RALYL: variants seen among roughly 807,000 people sequenced by gnomAD.
RALYL encodes the protein RNA-binding Raly-like protein.
Under a neutral mutation model 35.1 loss-of-function variants are expected in RALYL, and 29 were observed. The ratio of observed to expected loss-of-function variants is 0.83; its 90% CI spans 0.61 to 1.13. The LOEUF (loss-of-function observed/expected upper bound fraction) is 1.13, where lower values mean the gene tolerates loss of function less well. RALYL is among the 50% of genes most tolerant of loss of function. The probability of loss-of-function intolerance (pLI) is 0.00; values close to 1 mark genes in which losing one functional copy is unlikely to be tolerated. For synonymous variants in RALYL, 120 were observed against 127.6 expected, an observed-to-expected ratio of 0.94 and a Z score of 0.40; for missense variants, 359 against 360.4, an observed-to-expected ratio of 1.00 and a Z score of 0.03.
At chr8:84,458,794 G>T (rs2050420469) in intron 1 of RALYL, among the ~76,000 whole-genome samples, 1 of 151,590 alleles carries the variant, frequency 6.6e-6, no homozygotes, top group African/African-American at 2.4e-5. Context: ...TATTTTGCTT[G>T]TATGGTATTA....
At chr8:84,644,004 T>C (rs1328944261) in intron 2 of RALYL, among the ~76,000 whole-genome samples, 8 of 152,064 alleles carry the variant, frequency 5.3e-5, no homozygotes, top group African/African-American at 1.9e-4. Flanking sequence ...TGGTCTGTTT[T>C]AAGGCTAGCA....
At chr8:84,385,998 G>A (rs1859114161) in intron 1 of RALYL, among the ~76,000 whole-genome samples, 1 of 151,756 alleles carries the variant, frequency 6.6e-6, no homozygotes, top group African/African-American at 2.4e-5. Flanking sequence ...CTTTCACTCT[G>A]TCTCTCTCCT....
At chr8:84,445,730 T>G (rs970892227) in intron 1 of RALYL, among the ~76,000 whole-genome samples, 7 of 151,818 alleles carry the variant, frequency 4.6e-5, no homozygotes, top group Admixed American at 2.6e-4. Flanking sequence ...ACTTGCAATG[T>G]GTTTGCATTA....
chr8:84,301,046 G>C (rs180974136), intron 1 of RALYL, among the ~76,000 whole-genome samples: 207 of 151,984 alleles, frequency 1.4e-3, no homozygotes, highest in African/African-American at 4.6e-3. Flanking sequence ...TTTAACCCCT[G>C]TGTAAGGTAC....
chr8:84,897,181 G>A (rs1263530136), intron 8 of RALYL, among the ~76,000 whole-genome samples: 1 of 152,112 alleles, frequency 6.6e-6, no homozygotes, highest in Non-Finnish European at 1.5e-5. Flanking sequence ...TGCATGGACT[G>A]CACTTAGCAA....
chr8:84,771,269 T>C (rs772410854), intron 2 of RALYL, among the ~76,000 whole-genome samples: 1 of 152,060 alleles, frequency 6.6e-6, no homozygotes. Flanking sequence ...AGTATTCCTT[T>C]TGGTAAATAT....
At chr8:84,525,467 A>T (rs2058809910) in intron 1 of RALYL, among the ~76,000 whole-genome samples, 1 of 151,878 alleles carries the variant, frequency 6.6e-6, no homozygotes, top group African/African-American at 2.4e-5. Flanking sequence ...TGGTGTGGTT[A>T]TATACATATT....
intron 4 of RALYL, among the ~76,000 whole-genome samples, chr8:84,839,935 C>T (rs912478964): frequency 1.3e-5 from 2 of 152,170 alleles, no homozygotes; most frequent in African/African-American, 2.4e-5. Flanking sequence ...AACTAACAAA[C>T]AGAAAGGACA....
chr8:84,366,565 A>G (rs1264737246), intron 1 of RALYL, among the ~76,000 whole-genome samples: 1 of 151,980 alleles, frequency 6.6e-6, no homozygotes, highest in African/African-American at 2.4e-5. Context: ...TCATGAGGTC[A>G]GGGGATCGAG....
At chr8:84,651,937 A>G (rs935372073) in intron 2 of RALYL, among the ~76,000 whole-genome samples, 3 of 152,196 alleles carry the variant, frequency 2.0e-5, no homozygotes, top group South Asian at 2.1e-4. Context: ...TGAGAAAATG[A>G]GAATATTTCT....
chr8:84,260,941 G>T (rs1449839953), intron 1 of RALYL, among the ~76,000 whole-genome samples: 1 of 152,088 alleles, frequency 6.6e-6, no homozygotes, highest in East Asian at 1.9e-4. Flanking sequence ...GTAATTTTGA[G>T]TGTGATAAAC....
intron 1 of RALYL, among the ~76,000 whole-genome samples, chr8:84,246,542 A>T (rs1015907920): frequency 8.6e-5 from 13 of 152,016 alleles, no homozygotes; most frequent in African/African-American, 3.1e-4. Context: ...AGGGATTGCT[A>T]TGGAAAATAT....
chr8:84,730,559 A>T (rs1845964462), intron 2 of RALYL, among the ~76,000 whole-genome samples: 1 of 152,134 alleles, frequency 6.6e-6, no homozygotes, highest in African/African-American at 2.4e-5. Flanking sequence ...AGAAGGAAAT[A>T]AAGGGTATTC....
At chr8:84,569,774 G>T (rs1807469455) in intron 2 of RALYL, among the ~76,000 whole-genome samples, 1 of 151,680 alleles carries the variant, frequency 6.6e-6, no homozygotes, top group Admixed American at 6.6e-5. Flanking sequence ...TATGATGAGG[G>T]ACAGGAGTCC....
intron 5 of RALYL, among the ~76,000 whole-genome samples, chr8:84,850,601 A>G (rs1196364050): frequency 2.0e-5 from 3 of 152,246 alleles, no homozygotes; most frequent in Admixed American, 6.5e-5. Flanking sequence ...ATGGGAAACT[A>G]TAGTAAAGCT....
chr8:84,213,753 A>G (rs1338147755), intron 1 of RALYL, among the ~76,000 whole-genome samples: 1 of 152,178 alleles, frequency 6.6e-6, no homozygotes, highest in African/African-American at 2.4e-5. Flanking sequence ...AAGTATTACA[A>G]TGACATATTT....
chr8:84,759,865 T>A (rs1265111742), intron 2 of RALYL, among the ~76,000 whole-genome samples: 2 of 152,294 alleles, frequency 1.3e-5, no homozygotes, highest in South Asian at 4.1e-4. Flanking sequence ...CTTCTAAATC[T>A]TGAGGTTACT....
chr8:84,564,144 T>A (rs1472507053), intron 2 of RALYL, among the ~76,000 whole-genome samples: 1 of 151,810 alleles, frequency 6.6e-6, no homozygotes, highest in Non-Finnish European at 1.5e-5. Flanking sequence ...AATATCATTA[T>A]ACTTAATTTT....
intron 2 of RALYL, among the ~76,000 whole-genome samples, chr8:84,649,873 G>A (rs371193781): frequency 1.3e-5 from 2 of 152,078 alleles, no homozygotes; most frequent in South Asian, 2.1e-4. Context: ...ACCTTGGGCA[G>A]TATGGCCATT....
Sources: gnomAD v4.1 joint callset for allele counts (sites outside exome capture counted in the v4.1 genomes callset) on GRCh38, gnomAD v4.1.1 for gene constraint, MANE v1.5 for transcripts, NCBI Gene and HGNC (gene_info 2026-07-23, HGNC 2026-07-21) for gene names.